The following MALRD1 variants were observed in gnomAD, a reference collection of about 807,000 sequenced individuals.
MALRD1 encodes the protein MAM and LDL receptor class A domain containing 1.
MALRD1 carries 247 observed loss-of-function variants against 242.1 expected under a neutral mutation model. The observed-to-expected ratio is 1.02, with a 90% confidence interval of 0.92 to 1.13. MALRD1 has a LOEUF of 1.13. Ranked by LOEUF, MALRD1 falls within the 50% of genes most tolerant of loss-of-function variation. MALRD1 has a pLI of 0.00. For missense variants in MALRD1, 2,989 were observed against 2,533.1 expected (o/e 1.18, Z -3.86); for synonymous variants, 995 against 866.6 (o/e 1.15, Z -2.60).
intron 21 of MALRD1, among the ~76,000 whole-genome samples, chr10:19,288,378 T>C (rs74665153): frequency 0.05 from 7,668 of 152,076 alleles, 352 homozygotes; most frequent in African/African-American, 0.13. Context: ...TGTTATTAAA[T>C]AGGTCCTATT....
At chr10:19,481,019 G>T (rs188004996) in intron 29 of MALRD1, among the ~76,000 whole-genome samples, 1 of 152,040 alleles carries the variant, frequency 6.6e-6, no homozygotes, top group Non-Finnish European at 1.5e-5. Context: ...AGAAAAGAGA[G>T]CTTGGTATAT....
At chr10:19,088,212 G>A in intron 4 of MALRD1, 27 bp downstream of exon 4, 3 of 1,231,898 alleles carry the variant, frequency 2.4e-6, no homozygotes, top group Non-Finnish European at 3.0e-6. Context: ...TTCTAACTAT[G>A]GCCTTGAAGA....
intron 33 of MALRD1, among the ~76,000 whole-genome samples, chr10:19,574,649 T>C (rs896260012): frequency 2.6e-5 from 4 of 152,188 alleles, no homozygotes; most frequent in African/African-American, 7.2e-5. Context: ...TTGTACAATT[T>C]TGAGCAAATC....
intron 24 of MALRD1, among the ~76,000 whole-genome samples, chr10:19,337,261 G>T (rs1843655177): frequency 6.6e-6 from 1 of 152,124 alleles, no homozygotes; most frequent in Non-Finnish European, 1.5e-5. Flanking sequence ...AGCTTGTTAA[G>T]AGGTGATCAG....
chr10:19,548,889 G>T (rs1835363207), intron 32 of MALRD1, among the ~76,000 whole-genome samples: 1 of 152,190 alleles, frequency 6.6e-6, no homozygotes. Context: ...AGGAAAGCAT[G>T]TCGAAAGGTG....
chr10:19,607,651 A>C, intron 34 of MALRD1, 126 bp from the exon 35 acceptor site: 1 of 1,258,172 alleles, frequency 7.9e-7, no homozygotes, highest in Non-Finnish European at 1.1e-6. Context: ...TGTGTTCTAA[A>C]ATATCAGACT....
chr10:19,402,204 G>A (rs1589026555), intron 28 of MALRD1, among the ~76,000 whole-genome samples: 1 of 152,138 alleles, frequency 6.6e-6, no homozygotes, highest in African/African-American at 2.4e-5. Flanking sequence ...GAGAGAGCAA[G>A]TTGTCAAACT....
chr10:19,579,155 C>T (rs1836977526), intron 33 of MALRD1, among the ~76,000 whole-genome samples: 1 of 152,142 alleles, frequency 6.6e-6, no homozygotes, highest in Non-Finnish European at 1.5e-5. Context: ...TCACTGTTAA[C>T]TGGAAGTTAT....
intron 38 of MALRD1, 100 bp from the exon 39 acceptor site, chr10:19,730,606 A>G (rs1201335038): frequency 1.7e-6 from 2 of 1,163,782 alleles, no homozygotes; most frequent in South Asian, 1.3e-5. Flanking sequence ...TGCTGGCTAG[A>G]CAACATGTCT....
At chr10:19,492,933 T>C (rs1273508600) in intron 30 of MALRD1, among the ~76,000 whole-genome samples, 1 of 152,222 alleles carries the variant, frequency 6.6e-6, no homozygotes, top group African/African-American at 2.4e-5. Context: ...ATACTGATGC[T>C]TCCAATGGGC....
chr10:19,253,041 C>T (rs11009138), intron 18 of MALRD1, among the ~76,000 whole-genome samples: 12,893 of 151,906 alleles, frequency 0.085, 747 homozygotes, highest in African/African-American at 0.16. Flanking sequence ...TGTCTGAATG[C>T]GTTTATAAGA....
intron 1 of MALRD1, among the ~76,000 whole-genome samples, chr10:19,056,036 T>A (rs1303789634): frequency 6.6e-6 from 1 of 152,202 alleles, no homozygotes; most frequent in Non-Finnish European, 1.5e-5. Context: ...CTTTCTAGCT[T>A]GTTCTGTTGG....
At chr10:19,333,173 G>C (rs1219063277) in intron 24 of MALRD1, among the ~76,000 whole-genome samples, 1 of 151,998 alleles carries the variant, frequency 6.6e-6, no homozygotes, top group Non-Finnish European at 1.5e-5. Flanking sequence ...TTTTATTTTA[G>C]AATCAGTGGT....
At chr10:19,124,474 A>G (rs892146814) in intron 6 of MALRD1, 50 bp from the exon 7 acceptor site, 3 of 1,231,782 alleles carry the variant, frequency 2.4e-6, no homozygotes, top group Admixed American at 4.2e-5. Context: ...TTGGTTAAGC[A>G]GCCACTCTAG....
chr10:19,564,563 A>G (rs911149820), intron 32 of MALRD1, among the ~76,000 whole-genome samples: 5 of 152,072 alleles, frequency 3.3e-5, no homozygotes, highest in African/African-American at 9.7e-5. Context: ...TTAATATATT[A>G]CTGGGTCTGT....
At chr10:19,640,984 A>C (rs1197838821) in intron 36 of MALRD1, among the ~76,000 whole-genome samples, 2 of 152,342 alleles carry the variant, frequency 1.3e-5, no homozygotes, top group Non-Finnish European at 2.9e-5. Context: ...TATCATTTTA[A>C]TGCCATGTAC....
intron 38 of MALRD1, among the ~76,000 whole-genome samples, chr10:19,724,734 A>C (rs1436176053): frequency 1.3e-5 from 2 of 152,236 alleles, no homozygotes; most frequent in Non-Finnish European, 2.9e-5. Context: ...TGCCAGAGGA[A>C]ATGGGAAAAA....
At chr10:19,471,104 T>C (rs1836468091) in intron 29 of MALRD1, among the ~76,000 whole-genome samples, 1 of 151,948 alleles carries the variant, frequency 6.6e-6, no homozygotes, top group African/African-American at 2.4e-5. Context: ...TTGAGTTGAT[T>C]TTTTTGTTTG....
chr10:19,310,357 G>A (rs562656337), intron 21 of MALRD1, among the ~76,000 whole-genome samples: 17 of 151,556 alleles, frequency 1.1e-4, no homozygotes, highest in African/African-American at 4.1e-4. Flanking sequence ...GACAATTGAA[G>A]GGATAACTAT....
Sources: allele counts gnomAD v4.1 joint callset (sites outside exome capture counted in the v4.1 genomes callset), GRCh38; gene constraint gnomAD v4.1.1; transcripts MANE v1.5; gene names NCBI Gene and HGNC (gene_info 2026-07-23, HGNC 2026-07-21).